SHISAL1: variants seen among roughly 807,000 people sequenced by gnomAD.
SHISAL1 encodes the protein protein shisa-like-1.
Under a neutral mutation model 22.6 loss-of-function variants are expected in SHISAL1, and 9 were observed. The observed-to-expected ratio is 0.40, with a 90% CI of 0.24 to 0.70. The LOEUF is 0.70. Among genes scored for constraint, SHISAL1 ranks in the 30% least tolerant of loss-of-function variants. The pLI, the probability that SHISAL1 is intolerant of heterozygous loss-of-function variation, is 0.39. For missense variants in SHISAL1, 246 were observed against 270.6 expected, an observed-to-expected ratio of 0.91 and a Z score of 0.64; for synonymous variants, 119 against 115.4, an observed-to-expected ratio of 1.03 and a Z score of -0.20.
At chr22:44,258,071 C>T (rs770276954) in intron 4 of SHISAL1, among the ~76,000 whole-genome samples, 61 of 152,048 alleles carry the variant, frequency 4.0e-4, no homozygotes, top group Non-Finnish European at 2.5e-4. Flanking sequence ...ACCCAGGAGG[C>T]GGAGGTTGCG....
chr22:44,307,628 TG>T (rs938155201), intron 1 of SHISAL1, among the ~76,000 whole-genome samples: 6 of 152,148 alleles, frequency 3.9e-5, no homozygotes, highest in African/African-American at 1.4e-4. Flanking sequence ...GAACGCTCGT[TG>T]TTTGACCATG....
intron 1 of SHISAL1, among the ~76,000 whole-genome samples, chr22:44,305,991 C>T (rs1369931637): frequency 6.6e-6 from 1 of 152,220 alleles, no homozygotes; most frequent in Non-Finnish European, 1.5e-5. Flanking sequence ...CCGTGCGTCA[C>T]GAGAAGTTAC....
the SHISAL1 span, among the ~76,000 whole-genome samples, chr22:44,320,269 T>C: frequency 1.3e-5 from 2 of 152,298 alleles, no homozygotes; most frequent in African/African-American, 4.8e-5. Context: ...ATCTTAGCCA[T>C]GTCCATGTCT....
the SHISAL1 span, among the ~76,000 whole-genome samples, chr22:44,317,997 G>C: frequency 1.3e-5 from 2 of 152,244 alleles, no homozygotes; most frequent in Admixed American, 6.5e-5. Flanking sequence ...ACACCAAGGG[G>C]CCTGAGAGGG....
Position 44,243,983 on chromosome 22 carries a change from CTTG to C in SHISAL1, c.*5699_*5701del, listed in dbSNP as rs371934067. The C allele has an allele frequency of 6.6e-5, 10 of 152,244 alleles. No individual in the cohort carries two copies. The highest frequency in any genetic ancestry group is 2.4e-4 in the African/African-American group (10 of 41,440). The allele number at this position is 152,244 out of a possible 1,614,324, so 9.4% of individuals were successfully genotyped here. A position where few individuals can be genotyped will look rare whatever the true frequency, so the allele number is the denominator to read the frequency against. On this transcript the variant is annotated 3_prime_UTR_variant, in exon 5 of 5. Coordinates refer to ENST00000381176, the MANE Select transcript of SHISAL1 (RefSeq NM_001099294.2). ...CAGCCTTTTGTGGGAGGTCTCCTGC[CTTG>C]TTAAGGTGACTGAGCCCCTCACCCT...
At chr22:44,260,485 C>T (rs1051587232) in intron 4 of SHISAL1, among the ~76,000 whole-genome samples, 3 of 152,196 alleles carry the variant, frequency 2.0e-5, no homozygotes, top group Non-Finnish European at 4.4e-5. Flanking sequence ...AAGGTTGGGA[C>T]AGAGGGAGCC....
intron 2 of SHISAL1, among the ~76,000 whole-genome samples, chr22:44,297,125 T>C (rs1320655654): frequency 6.6e-6 from 1 of 152,212 alleles, no homozygotes; most frequent in African/African-American, 2.4e-5. Flanking sequence ...GCTCTCCTGC[T>C]TCGGTGAACA....
In SHISAL1 at chr22:44,245,860, T is replaced by TCTTTCTGA. The variant is rs1426022139; in HGVS notation, c.*3817_*3824dup. The TCTTTCTGA allele has an allele frequency of 6.6e-6, 1 of 152,224 alleles. No homozygotes were observed. Among genetic ancestry groups the TCTTTCTGA allele is most frequent in the Admixed American group, 6.5e-5 (1 of 15,280 alleles). The allele number at this position is 152,224 out of a possible 1,614,324, so 9.4% of individuals were successfully genotyped here. A position where few individuals can be genotyped will look rare whatever the true frequency, so the allele number is the denominator to read the frequency against. On this transcript the variant is annotated 3_prime_UTR_variant, in exon 5 of 5. Coordinates refer to ENST00000381176, the MANE Select transcript of SHISAL1 (RefSeq NM_001099294.2). ...AGCTCTGGGCCAAAATTTGACTGAA[T>TCTTTCTGA]CTTTCTGATGATGAGGGGAGATGCC...
the SHISAL1 span, among the ~76,000 whole-genome samples, chr22:44,322,061 G>T: frequency 6.6e-6 from 1 of 152,196 alleles, no homozygotes; most frequent in Non-Finnish European, 1.5e-5. Flanking sequence ...TGACCACAAA[G>T]TGTATTCAGC....
At chr22:44,298,698 G>A (rs2055404765) in intron 2 of SHISAL1, among the ~76,000 whole-genome samples, 1 of 152,252 alleles carries the variant, frequency 6.6e-6, no homozygotes, top group South Asian at 2.1e-4. Flanking sequence ...GAGCGGTAGG[G>A]CAGCATGGGG....
the SHISAL1 span, among the ~76,000 whole-genome samples, chr22:44,326,130 C>T: frequency 2.6e-5 from 4 of 152,056 alleles, no homozygotes; most frequent in Non-Finnish European, 2.9e-5. Flanking sequence ...CAGCTGCACA[C>T]GTACAATTCT....
intron 1 of SHISAL1, among the ~76,000 whole-genome samples, chr22:44,306,406 G>A (rs1419257042): frequency 6.9e-6 from 1 of 144,758 alleles, no homozygotes. Context: ...CTGTGATGAC[G>A]ATGGCGTGTG....
At chr22:44,285,938 A>T (rs1005654576) in intron 3 of SHISAL1, among the ~76,000 whole-genome samples, 193 bp from the exon 4 acceptor site, 2 of 152,094 alleles carry the variant, frequency 1.3e-5, no homozygotes, top group African/African-American at 4.8e-5. Flanking sequence ...CCTTCCCTGG[A>T]ATCCACTGCC....
intron 2 of SHISAL1, among the ~76,000 whole-genome samples, chr22:44,297,771 G>C (rs373749768): frequency 1.3e-5 from 2 of 152,262 alleles, no homozygotes; most frequent in South Asian, 4.1e-4. Context: ...GGCTTAATTA[G>C]TATCTTCATA....
At position 44,305,772 on chromosome 22, in the gene SHISAL1, C is replaced by T. The variant is rs577421360; in HGVS notation, c.-32-4795G>A. 3.1e-3 allele frequency among the ~76,000 whole-genome samples: 476 copies of T among 152,306 alleles called. 4 individuals are homozygous for T. The highest frequency in any genetic ancestry group is 0.01 in the African/African-American group (429 of 41,572). On this transcript the variant is annotated intron_variant, in intron 1 of 4. Coordinates refer to ENST00000381176, the MANE Select transcript of SHISAL1 (RefSeq NM_001099294.2). ...CCATGGCCTGGCTGTGCCCCCAACC[C>T]CCCGAGTCTGGCCTGAGATAGGTCA...
chr22:44,306,476 G>A (rs2055474520), intron 1 of SHISAL1, among the ~76,000 whole-genome samples: 1 of 140,982 alleles, frequency 7.1e-6, no homozygotes, highest in Non-Finnish European at 1.6e-5. Flanking sequence ...GGAGACCTGG[G>A]CTCAGGGAGC....
At chr22:44,322,042 C>T in the SHISAL1 span, among the ~76,000 whole-genome samples, 1 of 152,176 alleles carries the variant, frequency 6.6e-6, no homozygotes. Context: ...CCCACACCAG[C>T]ACCCCTCCTG....
At chr22:44,266,599 G>C (rs1267754263) in intron 4 of SHISAL1, among the ~76,000 whole-genome samples, 1 of 150,396 alleles carries the variant, frequency 6.6e-6, no homozygotes, top group South Asian at 2.1e-4. Context: ...GGAGGCTCTG[G>C]TGTGTGTGTT....
upstream of SHISAL1, among the ~76,000 whole-genome samples, chr22:44,317,266 G>C (rs143118551): frequency 5.1e-4 from 77 of 152,284 alleles, 1 homozygote; most frequent in East Asian, 0.013. Context: ...CTCTCGAATG[G>C]ATCAGCTGCT....
Sources: gnomAD v4.1 joint callset for allele counts (sites outside exome capture counted in the v4.1 genomes callset) on GRCh38, gnomAD v4.1.1 for gene constraint, MANE v1.5 for transcripts, NCBI Gene and HGNC (gene_info 2026-07-23, HGNC 2026-07-21) for gene names.